The following NDE1 variants were observed in gnomAD, a reference collection of about 807,000 sequenced individuals.
The protein encoded by NDE1 is nudE neurodevelopment protein 1, also known as nuclear distribution protein nudE homolog 1.
NDE1 carries 28 observed loss-of-function variants against 43.4 expected under a neutral mutation model. That is an observed-to-expected ratio of 0.65 (90% CI 0.48 to 0.89). The LOEUF is 0.89. Ranked by LOEUF, NDE1 falls within the 40% of genes least tolerant of loss-of-function variation. NDE1 has a pLI of 0.00. For missense variants in NDE1, 441 were observed against 434.1 expected (o/e 1.02, Z -0.14); for synonymous variants, 184 against 172.0 (o/e 1.07, Z -0.55).
intron 1 of NDE1, among the ~76,000 whole-genome samples, chr16:15,661,887 G>A (rs1403790992): frequency 6.6e-6 from 1 of 151,862 alleles, no homozygotes; most frequent in African/African-American, 2.4e-5. Flanking sequence ...TGGTAAGTTT[G>A]CCTTCTAAAT....
intron 8 of NDE1, chr16:15,718,636 C>T (rs1490431619): frequency 1.3e-6 from 1 of 766,800 alleles, no homozygotes; most frequent in South Asian, 1.9e-5. Context: ...TCCGTGTCAG[C>T]AAAGCTGGGA....
At chr16:15,695,741 T>C in intron 7 of NDE1, 1 of 982,224 alleles carries the variant, frequency 1.0e-6, no homozygotes, top group Non-Finnish European at 1.2e-6. Context: ...TGTTTTTACT[T>C]CTGGTTTTTG....
chr16:15,664,472 T>C (rs993767124), intron 1 of NDE1, among the ~76,000 whole-genome samples: 82 of 152,210 alleles, frequency 5.4e-4, no homozygotes, highest in African/African-American at 1.9e-3. Context: ...TTCTCCTGCC[T>C]CAGCCTCCTG....
At chr16:15,718,876 A>C (rs1596711448) in intron 8 of NDE1, 1 of 413,684 alleles carries the variant, frequency 2.4e-6, no homozygotes, top group Non-Finnish European at 4.5e-6. Flanking sequence ...ACCTGTAATC[A>C]CAGCACTTTG....
intron 4 of NDE1, among the ~76,000 whole-genome samples, chr16:15,685,338 T>C (rs1467892280): frequency 2.0e-5 from 3 of 152,116 alleles, no homozygotes; most frequent in Non-Finnish European, 4.4e-5. Flanking sequence ...TACTGTACCC[T>C]TGAATTCCTG....
At chr16:15,646,897 A>T (rs2036341881), upstream of NDE1, among the ~76,000 whole-genome samples, 1 of 151,820 alleles carries the variant, frequency 6.6e-6, no homozygotes, top group African/African-American at 2.4e-5. Context: ...CTAAAATAGA[A>T]AAATTAGGTG....
At chr16:15,693,832 C>A (rs1466916230) in intron 6 of NDE1, among the ~76,000 whole-genome samples, 5 of 152,130 alleles carry the variant, frequency 3.3e-5, no homozygotes, top group Non-Finnish European at 7.3e-5. Flanking sequence ...CCCAGCTACT[C>A]AAGAGGCCAA....
At chr16:15,709,806 G>T (rs1458744733) in intron 8 of NDE1, among the ~76,000 whole-genome samples, 1 of 152,210 alleles carries the variant, frequency 6.6e-6, no homozygotes, top group Admixed American at 6.5e-5. Context: ...CTTGGTTTAT[G>T]ATTACTTGCT....
chr16:15,679,865 A>G (rs1050004229), intron 4 of NDE1, among the ~76,000 whole-genome samples: 1 of 151,846 alleles, frequency 6.6e-6, no homozygotes, highest in Non-Finnish European at 1.5e-5. Context: ...TGCAACTTCC[A>G]CCTCCCAGAT....
intron 8 of NDE1, among the ~76,000 whole-genome samples, chr16:15,709,029 A>G (rs374070509): frequency 3.3e-5 from 5 of 152,146 alleles, no homozygotes; most frequent in East Asian, 3.9e-4. Flanking sequence ...TGCAACCTCT[A>G]CGTCCTGGAT....
At position 15,724,335 on chromosome 16, in the gene NDE1, G is replaced by T. The variant is rs1433018488; in HGVS notation, c.*84G>T. On this transcript the variant is annotated 3_prime_UTR_variant, in exon 9 of 9. Transcript: ENST00000396354. Reference sequence around the variant, plus strand: ...GGGTGAGGTTCTCGATCTCCTTCTGGAACCTCTTCTTCCCCTCTTCCAGAG... The same window carrying T: ...GGGTGAGGTTCTCGATCTCCTTCTGTAACCTCTTCTTCCCCTCTTCCAGAG... The T allele has an allele frequency of 1.9e-6, 3 of 1,613,930 alleles. No individual in the cohort carries two copies. The African/African-American group carries it at 4.0e-5, about 22-fold the overall frequency.
At chr16:15,677,708 C>A in intron 3 of NDE1, 93 bp from the exon 4 acceptor site, 1 of 1,435,360 alleles carries the variant, frequency 7.0e-7, no homozygotes, top group Non-Finnish European at 9.7e-7. Flanking sequence ...TTTAGCCTCC[C>A]GAGTAGCTGT....
chr16:15,676,552 C>T (rs1301255846), intron 3 of NDE1, among the ~76,000 whole-genome samples: 3 of 152,232 alleles, frequency 2.0e-5, no homozygotes, highest in African/African-American at 4.8e-5. Context: ...CAAACTGTTC[C>T]TTTTTTCTCC....
At chr16:15,672,829 C>G (rs780351926) in intron 3 of NDE1, 1 of 152,184 alleles carries the variant, frequency 6.6e-6, no homozygotes, top group Non-Finnish European at 1.5e-5. Context: ...GGGTGTGAGG[C>G]GATGAGAGCC....
At chr16:15,704,925 TA>T (rs1399445516) in intron 8 of NDE1, among the ~76,000 whole-genome samples, 7 of 152,186 alleles carry the variant, frequency 4.6e-5, no homozygotes, top group African/African-American at 1.7e-4. Context: ...GCAGTTCTCC[TA>T]CCTTGGCCTC....
At chr16:15,696,930 C>T in intron 8 of NDE1, 70 bp downstream of exon 8, 1 of 1,589,198 alleles carries the variant, frequency 6.3e-7, no homozygotes, top group Non-Finnish European at 8.6e-7. Flanking sequence ...GACACTCACC[C>T]CCAGCCCACA....
chr16:15,715,952 C>A (rs1945919087), intron 8 of NDE1, among the ~76,000 whole-genome samples: 4 of 152,062 alleles, frequency 2.6e-5, no homozygotes, highest in African/African-American at 9.7e-5. Context: ...ATGGTGAAAC[C>A]CCATCCCTAC....
chr16:15,704,153 G>A, intron 8 of NDE1: 1 of 1,612,886 alleles, frequency 6.2e-7, no homozygotes, highest in Non-Finnish European at 8.5e-7. Flanking sequence ...ACATTATTTA[G>A]CAAAGAAATC....
intron 1 of NDE1, among the ~76,000 whole-genome samples, chr16:15,657,046 C>T (rs773677085): frequency 2.0e-5 from 3 of 152,032 alleles, no homozygotes; most frequent in Non-Finnish European, 4.4e-5. Context: ...ATGCTGACAA[C>T]CTTCCATACC....
Sources: allele counts gnomAD v4.1 joint callset (sites outside exome capture counted in the v4.1 genomes callset), GRCh38; gene constraint gnomAD v4.1.1; transcripts MANE v1.5; gene names NCBI Gene and HGNC (gene_info 2026-07-23, HGNC 2026-07-21).